BCAS3: variants seen among roughly 807,000 people sequenced by gnomAD.
The protein encoded by BCAS3 is BCAS4/BCAS3 fusion.
BCAS3 carries 53 observed loss-of-function variants against 116.1 expected under a neutral mutation model. That is an observed-to-expected ratio of 0.46 (90% CI 0.37 to 0.57). The LOEUF (loss-of-function observed/expected upper bound fraction) is 0.57. BCAS3 is among the 20% of genes least tolerant of loss of function. The pLI is 0.00. For synonymous variants in BCAS3, 391 were observed against 408.2 expected (o/e 0.96, Z 0.51); for missense variants, 917 against 1,165.4 (o/e 0.79, Z 3.10).
chr17:60,741,066 A>G (rs370068012), intron 5 of BCAS3, among the ~76,000 whole-genome samples: 4 of 152,192 alleles, frequency 2.6e-5, no homozygotes, highest in Non-Finnish European at 4.4e-5. Flanking sequence ...AAATTTGTCA[A>G]TCACAGTTTA....
intron 13 of BCAS3, among the ~76,000 whole-genome samples, chr17:60,934,453 A>G (rs997550453): frequency 1.3e-5 from 2 of 152,258 alleles, no homozygotes; most frequent in African/African-American, 4.8e-5. Context: ...AATACTTACA[A>G]TAATATAAAC....
chr17:60,930,660 G>T (rs986839989), intron 13 of BCAS3, among the ~76,000 whole-genome samples: 1 of 152,156 alleles, frequency 6.6e-6, no homozygotes, highest in Non-Finnish European at 1.5e-5. Context: ...GTTTTGCCAT[G>T]TTGGCTAGGC....
At chr17:61,369,162 C>T (rs2058910131) in intron 23 of BCAS3, among the ~76,000 whole-genome samples, 1 of 152,242 alleles carries the variant, frequency 6.6e-6, no homozygotes, top group African/African-American at 2.4e-5. Flanking sequence ...AGCTGTAATA[C>T]AGCCTGCCTC....
intron 22 of BCAS3, among the ~76,000 whole-genome samples, chr17:61,338,723 C>T (rs1371945472): frequency 6.6e-6 from 1 of 151,848 alleles, no homozygotes; most frequent in Non-Finnish European, 1.5e-5. Context: ...TGCAGGCCCG[C>T]GTGGGAGTCG....
chr17:60,845,239 A>G (rs2052407187), intron 7 of BCAS3, among the ~76,000 whole-genome samples: 1 of 152,244 alleles, frequency 6.6e-6, no homozygotes, highest in African/African-American at 2.4e-5. Flanking sequence ...CTAAATAAAT[A>G]AATAGATAAC....
chr17:60,808,414 G>A lies in BCAS3; in HGVS notation c.476+338G>A, dbSNP rs758788416. Among the ~76,000 whole-genome samples, 4 of 152,314 alleles carry A rather than the reference G, an allele frequency of 2.6e-5. No individual in the cohort carries two copies. The South Asian group carries it at 8.3e-4, about 32-fold the overall frequency. ...GCTAGGAATGATTATGGTTTTGTTAGTAAGGAAAATTATCAAAATGGATAT... is the reference window on the plus strand; with the variant it reads ...GCTAGGAATGATTATGGTTTTGTTAATAAGGAAAATTATCAAAATGGATAT... On this transcript the variant is annotated intron_variant, in intron 7 of 23. Coordinates refer to ENST00000407086, the MANE Select transcript of BCAS3 (RefSeq NM_017679.5).
intron 13 of BCAS3, among the ~76,000 whole-genome samples, chr17:60,936,430 C>T (rs1483294018): frequency 1.3e-5 from 2 of 152,092 alleles, no homozygotes; most frequent in African/African-American, 2.4e-5. Context: ...TGAGGAATCG[C>T]CACACTGACT....
At position 60,990,179 on chromosome 17, in the gene BCAS3, G is replaced by T; in HGVS notation, c.1430G>T (p.Gly477Val). ...CAAGAACTGACGTCTAAGCAAGGAGGTCGCTGTAGCCCTGTTCCAGGTCTA... is the reference window on the plus strand; with the variant it reads ...CAAGAACTGACGTCTAAGCAAGGAGTTCGCTGTAGCCCTGTTCCAGGTCTA... ...IEQELTSKQG[G>V]RCSPVPGLSS... Residue 477 changes from glycine to valine, a missense_variant, in exon 15 of 24, where the codon GGT (glycine) becomes GTT (valine). Around this residue, in one of 3 missense-constraint regions of BCAS3, gnomAD observed 807 missense variants for 1,026.0 expected, o/e 0.79. Transcript: ENST00000407086. This position sits in a 1 kb window ranked among gnomAD's most constrained non-coding sequence, Gnocchi z 5.1. 1 of 1,614,168 alleles carries T rather than the reference G, an allele frequency of 6.2e-7. No homozygotes were observed. The highest frequency in any genetic ancestry group is 8.5e-7 in the Non-Finnish European group (1 of 1,180,028).
At chr17:60,818,621 A>G (rs1048583132) in intron 7 of BCAS3, among the ~76,000 whole-genome samples, 1 of 152,158 alleles carries the variant, frequency 6.6e-6, no homozygotes, top group Non-Finnish European at 1.5e-5. Flanking sequence ...GCAGCAAAGT[A>G]GATTTATGCC....
At chr17:60,948,077 A>G (rs1043503037) in intron 14 of BCAS3, among the ~76,000 whole-genome samples, 6 of 151,924 alleles carry the variant, frequency 3.9e-5, no homozygotes, top group African/African-American at 1.2e-4. Context: ...TATATTTAAT[A>G]TTCTTATTTA....
chr17:60,938,583 C>G (rs1026696588), intron 13 of BCAS3, among the ~76,000 whole-genome samples: 1 of 152,110 alleles, frequency 6.6e-6, no homozygotes, highest in Non-Finnish European at 1.5e-5. Flanking sequence ...TATCCTTAAA[C>G]TTGGGATAGA....
intron 6 of BCAS3, among the ~76,000 whole-genome samples, chr17:60,763,429 C>G (rs756361800): frequency 1.3e-5 from 2 of 152,120 alleles, no homozygotes; most frequent in Non-Finnish European, 1.5e-5. Flanking sequence ...TTGTCGAAGG[C>G]CTTTTCTGCA....
At chr17:61,119,823 C>T (rs968778797) in intron 22 of BCAS3, among the ~76,000 whole-genome samples, 5 of 151,978 alleles carry the variant, frequency 3.3e-5, no homozygotes, top group African/African-American at 1.2e-4. Context: ...GTAAAACATT[C>T]ATACTATTTC....
chr17:60,779,286 T>A (rs79200610), intron 6 of BCAS3, among the ~76,000 whole-genome samples: 6,725 of 151,910 alleles, frequency 0.044, 472 homozygotes, highest in African/African-American at 0.15. Flanking sequence ...AACTGTTTCA[T>A]GCACAAAATT....
intron 19 of BCAS3, among the ~76,000 whole-genome samples, chr17:61,061,989 C>A (rs1023538713): frequency 2.0e-5 from 3 of 152,122 alleles, no homozygotes; most frequent in Non-Finnish European, 2.9e-5. Flanking sequence ...GTTACTGAAT[C>A]TAAAAATAGG....
At chr17:61,113,642 C>T (rs1182787364) in intron 22 of BCAS3, among the ~76,000 whole-genome samples, 1 of 8,632 alleles carries the variant, frequency 1.2e-4, no homozygotes, top group African/African-American at 1.2e-4. Flanking sequence ...GATTCACAGC[C>T]GAATTCTACC....
At position 61,380,188 on chromosome 17, in the gene BCAS3, T is replaced by A. The variant is rs16945233; in HGVS notation, c.2593+11694T>A. On this transcript the variant is annotated intron_variant, in intron 23 of 23. Coordinates refer to ENST00000407086, the MANE Select transcript of BCAS3 (RefSeq NM_017679.5). The surrounding 1 kb of genome is among the most constrained non-coding windows in gnomAD (Gnocchi z 4.2). ...GGAAGCTGAGAGGAGGAAGAAAATCTGAGGGGTTACCCAGGATGCCGGCTT... is the reference window on the plus strand; with the variant it reads ...GGAAGCTGAGAGGAGGAAGAAAATCAGAGGGGTTACCCAGGATGCCGGCTT... 11,779 of 327,162 alleles carry A rather than the reference T, an allele frequency of 0.036. 857 individuals carry two copies. Among genetic ancestry groups the A allele is most frequent in the African/African-American group, 0.18 (8,609 of 47,254 alleles). The allele number at this position is 327,162 out of a possible 1,614,324, so 20.3% of individuals were successfully genotyped here.
chr17:60,811,294 T>G (rs2048791917), intron 7 of BCAS3: 1 of 851,620 alleles, frequency 1.2e-6, no homozygotes, highest in East Asian at 2.9e-5. Context: ...AGCTGGAGAC[T>G]GAGATCACCA....
At chr17:60,836,498 G>T (rs1478982966) in intron 7 of BCAS3, among the ~76,000 whole-genome samples, 1 of 151,932 alleles carries the variant, frequency 6.6e-6, no homozygotes. Context: ...TAGTTCTGTT[G>T]TTTGCGTTCC....
Sources: gnomAD v4.1 joint callset for allele counts (sites outside exome capture counted in the v4.1 genomes callset) on GRCh38, gnomAD v4.1.1 for gene constraint, gnomAD v4.1.1 regional missense constraint, Gnocchi (gnomAD v3.1) non-coding constraint, MANE v1.5 for transcripts, NCBI Gene and HGNC (gene_info 2026-07-23, HGNC 2026-07-21) for gene names.